The following RTN4RL1 variants were observed in gnomAD, a reference collection of about 807,000 sequenced individuals.
RTN4RL1 encodes the protein reticulon 4 receptor like 1, also known as reticulon-4 receptor-like 1.
A neutral mutation model predicts 25.6 loss-of-function variants in RTN4RL1; 7 were observed. That is an observed-to-expected ratio of 0.27 (90% CI 0.16 to 0.51). The LOEUF (loss-of-function observed/expected upper bound fraction) is 0.51. Ranked by LOEUF, RTN4RL1 falls within the 20% of genes least tolerant of loss-of-function variation. The pLI, the probability that RTN4RL1 is intolerant of heterozygous loss-of-function variation, is 0.97. For synonymous variants in RTN4RL1, 297 were observed against 288.2 expected (o/e 1.03, Z -0.31); for missense variants, 500 against 615.6 (o/e 0.81, Z 1.99).
chr17:2,024,490 G>A (rs2067248343), intron 1 of RTN4RL1, among the ~76,000 whole-genome samples: 1 of 151,976 alleles, frequency 6.6e-6, no homozygotes, highest in Non-Finnish European at 1.5e-5. Flanking sequence ...CAGAAGCAAG[G>A]GCGTGTGCCC....
chr17:1,946,065 G>T (rs1036694242), intron 1 of RTN4RL1, among the ~76,000 whole-genome samples: 1 of 152,202 alleles, frequency 6.6e-6, no homozygotes, highest in African/African-American at 2.4e-5. Flanking sequence ...CACACGGTGA[G>T]GAGAGCTCTG....
intron 1 of RTN4RL1, among the ~76,000 whole-genome samples, chr17:1,970,178 C>G (rs919920281): frequency 1.3e-5 from 2 of 152,122 alleles, no homozygotes; most frequent in Middle Eastern, 3.2e-3. Flanking sequence ...CATGCCACCA[C>G]GCCTGGCCAA....
intron 1 of RTN4RL1, among the ~76,000 whole-genome samples, chr17:1,983,722 G>T (rs2066876788): frequency 6.6e-6 from 1 of 151,560 alleles, no homozygotes; most frequent in Non-Finnish European, 1.5e-5. Flanking sequence ...TATTTTTTTT[G>T]TAGAGACGGG....
At chr17:1,950,160 G>T (rs958378654) in intron 1 of RTN4RL1, among the ~76,000 whole-genome samples, 4 of 152,278 alleles carry the variant, frequency 2.6e-5, no homozygotes, top group African/African-American at 7.2e-5. Context: ...GGGTGAGTTG[G>T]GGGGGAGCAA....
At chr17:1,992,773 T>C (rs2066914893) in intron 1 of RTN4RL1, among the ~76,000 whole-genome samples, 1 of 152,236 alleles carries the variant, frequency 6.6e-6, no homozygotes, top group Admixed American at 6.5e-5. Flanking sequence ...CCTTTGCCAG[T>C]ACCTAATAAA....
intron 1 of RTN4RL1, among the ~76,000 whole-genome samples, chr17:1,964,767 A>G (rs1597498484): frequency 6.8e-6 from 1 of 147,274 alleles, no homozygotes; most frequent in South Asian, 2.2e-4. Context: ...TCACCGTTAC[A>G]GTTTGCATTT....
At chr17:1,962,978 C>T (rs774843048) in intron 1 of RTN4RL1, among the ~76,000 whole-genome samples, 11 of 151,806 alleles carry the variant, frequency 7.2e-5, no homozygotes, top group Non-Finnish European at 1.3e-4. Flanking sequence ...CACTCAGTTG[C>T]CCTGGCTGGA....
intron 1 of RTN4RL1, among the ~76,000 whole-genome samples, chr17:2,011,552 C>T (rs943017501): frequency 2.0e-5 from 3 of 152,014 alleles, no homozygotes; most frequent in African/African-American, 4.8e-5. Context: ...GAGGAGCTGG[C>T]GGGGTGGAGG....
chr17:2,002,528 G>A (rs1173064543), intron 1 of RTN4RL1, among the ~76,000 whole-genome samples: 6 of 151,434 alleles, frequency 4.0e-5, no homozygotes, highest in Non-Finnish European at 8.8e-5. Flanking sequence ...TCCTGACCTC[G>A]TGATCCGCCC....
intron 1 of RTN4RL1, among the ~76,000 whole-genome samples, chr17:1,986,268 C>T (rs9903341): frequency 0.011 from 1,632 of 152,058 alleles, 32 homozygotes; most frequent in African/African-American, 0.037. Flanking sequence ...CATGACCACC[C>T]GATGAAGTAG....
chr17:1,949,403 C>T (rs1391078191), intron 1 of RTN4RL1, among the ~76,000 whole-genome samples: 1 of 152,192 alleles, frequency 6.6e-6, no homozygotes, highest in Non-Finnish European at 1.5e-5. Flanking sequence ...GGCCAAGACC[C>T]ACTGTTCTTG....
chr17:1,943,470 C>T lies in RTN4RL1; in HGVS notation c.14-5662G>A, dbSNP rs914086794. On this transcript the variant is annotated intron_variant, in intron 1 of 1. Transcript: ENST00000331238. ...TATCCCCGCAGCCCCCTGGGCAGGGCCGTGGGGCTCTCTGGGTCTTGGAGA... is the reference window on the plus strand; with the variant it reads ...TATCCCCGCAGCCCCCTGGGCAGGGTCGTGGGGCTCTCTGGGTCTTGGAGA... Among the ~76,000 whole-genome samples the T allele has an allele frequency of 8.5e-5, 13 of 152,320 alleles. No individual in the cohort carries two copies. In the East Asian group the frequency reaches 2.3e-3, roughly 27 times the overall value.
intron 1 of RTN4RL1, among the ~76,000 whole-genome samples, chr17:2,001,951 G>C (rs1251504448): frequency 1.3e-5 from 2 of 152,176 alleles, no homozygotes; most frequent in East Asian, 1.9e-4. Context: ...GGAGGGAGTG[G>C]GGGGAGCTCA....
chr17:1,973,399 G>A (rs1329307341), intron 1 of RTN4RL1, among the ~76,000 whole-genome samples: 32 of 150,796 alleles, frequency 2.1e-4, no homozygotes, highest in Admixed American at 2.1e-3. Context: ...GGGTGGGGTG[G>A]TTCACACCTG....
rs535700106 is a variant in RTN4RL1, at chr17:1,987,833, C to T, written c.13+37020G>A. ...AATAATTAAGCCCTCATGCTGGGTG[C>T]GGTAGCTCACGCCTGTAATCCCAGC... On this transcript the variant is annotated intron_variant, in intron 1 of 1. Coordinates refer to ENST00000331238, the MANE Select transcript of RTN4RL1 (RefSeq NM_178568.4). Among the ~76,000 whole-genome samples the T allele has an allele frequency of 2.4e-4, 36 of 152,152 alleles. No homozygotes were observed. In the South Asian group the frequency reaches 3.5e-3, roughly 15 times the overall value.
Position 2,020,875 on chromosome 17 carries a change from C to T in RTN4RL1, c.13+3978G>A, listed in dbSNP as rs779904194. 5.3e-5 allele frequency among the ~76,000 whole-genome samples: 8 copies of T among 152,210 alleles called. No individual in the cohort carries two copies. In the South Asian group the frequency reaches 8.3e-4, roughly 16 times the overall value. ...CTCTACACAGGAAAGCCACGGGTCC[C>T]GACCTTAAGTAGAGGCCACTTCTGG... On this transcript the variant is annotated intron_variant, in intron 1 of 1. Transcript: ENST00000331238.
At chr17:2,019,399 A>ACGACGCCTGGCCCTCCTTCT (rs2067170797) in intron 1 of RTN4RL1, 1 of 152,210 alleles carries the variant, frequency 6.6e-6, no homozygotes, top group Non-Finnish European at 1.5e-5. Flanking sequence ...GACATCCTTC[A>ACGACGCCTGGCCCTCCTTCT]CGACGCCTGG....
intron 1 of RTN4RL1, among the ~76,000 whole-genome samples, chr17:1,961,804 A>AAG (rs2066763441): frequency 4.4e-5 from 6 of 135,228 alleles, no homozygotes; most frequent in East Asian, 2.1e-4. Flanking sequence ...AAAAATTAGC[A>AAG]GGGCGTGGTG....
intron 1 of RTN4RL1, among the ~76,000 whole-genome samples, chr17:1,971,709 T>A (rs891698490): frequency 3.3e-5 from 5 of 151,844 alleles, no homozygotes; most frequent in African/African-American, 1.2e-4. Flanking sequence ...AAGCCTGTAA[T>A]CCCAGCACTT....
Sources: gnomAD v4.1 joint callset for allele counts (sites outside exome capture counted in the v4.1 genomes callset) on GRCh38, gnomAD v4.1.1 for gene constraint, MANE v1.5 for transcripts, NCBI Gene and HGNC (gene_info 2026-07-23, HGNC 2026-07-21) for gene names.